The following DLGAP2 variants were observed in gnomAD, a reference collection of about 807,000 sequenced individuals.
The protein encoded by DLGAP2 is DLG associated protein 2, also known as disks large-associated protein 2.
Under a neutral mutation model 100.3 loss-of-function variants are expected in DLGAP2, and 26 were observed. That is an observed-to-expected ratio of 0.26 (90% CI 0.19 to 0.36). The LOEUF (loss-of-function observed/expected upper bound fraction) is 0.36, where lower values mean the gene tolerates loss of function less well. Ranked by LOEUF, DLGAP2 falls within the 10% of genes least tolerant of loss-of-function variation. DLGAP2 has a pLI of 1.00. For synonymous variants in DLGAP2, 886 were observed against 630.1 expected (o/e 1.41, Z -6.08); for missense variants, 1,858 against 1,453.2 (o/e 1.28, Z -4.53).
At chr8:1,287,761 G>A (rs1236733129) in intron 3 of DLGAP2, among the ~76,000 whole-genome samples, 1 of 44,430 alleles carries the variant, frequency 2.3e-5, no homozygotes, top group Non-Finnish European at 4.1e-5. Flanking sequence ...TTTTGGTTCA[G>A]CGTGTGTGTG....
intron 3 of DLGAP2, among the ~76,000 whole-genome samples, chr8:1,409,717 C>T (rs1438646655): frequency 6.6e-6 from 1 of 152,108 alleles, no homozygotes; most frequent in Admixed American, 6.5e-5. Context: ...GTGGGCCTCC[C>T]CCAGTCCATG....
chr8:1,299,028 A>T (rs1317996917), intron 3 of DLGAP2, among the ~76,000 whole-genome samples: 3 of 152,234 alleles, frequency 2.0e-5, no homozygotes, highest in Admixed American at 2.0e-4. Context: ...AAAGGCTGTT[A>T]CTGCCATCCG....
chr8:1,678,510 C>G lies in DLGAP2; in HGVS notation c.2585C>G (p.Ser862Cys). The G allele has an allele frequency of 6.2e-7, 1 of 1,610,096 alleles. No individual in the cohort carries two copies. Among genetic ancestry groups the G allele is most frequent in the Non-Finnish European group, 8.5e-7 (1 of 1,178,204 alleles). Residue 862 changes from serine (S) to cysteine (C), a missense_variant, in exon 12 of 15, where the codon TCT becomes TGT. By Grantham distance (112) the Ser-to-Cys change is moderately radical. Coordinates refer to ENST00000637795, the MANE Select transcript of DLGAP2 (RefSeq NM_001346810.2). ...AIDTVETGRM[S>C]PCRRDGSWFL... ...GACACGGTAGAGACTGGGAGGATGT[C>G]TCCGTGCCGCAGGGATGGCTCGTGG...
At chr8:816,613 T>C (rs991325696) in intron 1 of DLGAP2, among the ~76,000 whole-genome samples, 1 of 152,100 alleles carries the variant, frequency 6.6e-6, no homozygotes, top group Non-Finnish European at 1.5e-5. Flanking sequence ...GGTTTTCCTT[T>C]ATAGGTTAGC....
intron 8 of DLGAP2, among the ~76,000 whole-genome samples, chr8:1,647,580 A>G (rs1407120709): frequency 2.0e-5 from 3 of 148,108 alleles, no homozygotes; most frequent in Middle Eastern, 3.4e-3. Flanking sequence ...ATTTCCTTCC[A>G]TTATGAATGC....
intron 2 of DLGAP2, among the ~76,000 whole-genome samples, chr8:1,248,216 C>A (rs1210080675): frequency 1.5e-5 from 1 of 66,896 alleles, no homozygotes; most frequent in African/African-American, 4.4e-5. Context: ...GAGTGATGGT[C>A]CATGTCGGTG....
intron 1 of DLGAP2, among the ~76,000 whole-genome samples, chr8:821,133 C>G (rs1022893833): frequency 1.3e-5 from 2 of 152,174 alleles, no homozygotes; most frequent in South Asian, 2.1e-4. Flanking sequence ...AGCTAATTTT[C>G]TTACCTTATT....
Position 1,701,469 on chromosome 8 carries a change from G to A in DLGAP2, c.*63G>A, listed in dbSNP as rs1011548930. 27 of 1,488,766 alleles carry A rather than the reference G, an allele frequency of 1.8e-5. No individual in the cohort carries two copies. The highest frequency in any genetic ancestry group is 4.7e-4 in the Middle Eastern group (2 of 4,300). 92.2% of individuals were successfully genotyped at this position (1,488,766 alleles called of 1,614,324 possible). The stretch of plus-strand genomic sequence containing the variant: ...TTCCCGGACGCTTGTGCAGCGCGGC[G>A]CCGCCCTGGTGGTTTCTGTCTCCTC... On this transcript the variant is annotated 3_prime_UTR_variant, in exon 15 of 15. Transcript: ENST00000637795.
At chr8:1,050,231 T>G (rs987701471) in intron 2 of DLGAP2, among the ~76,000 whole-genome samples, 3 of 152,352 alleles carry the variant, frequency 2.0e-5, no homozygotes, top group Admixed American at 6.5e-5. Context: ...AGTCCCCGAT[T>G]TAACCATGGT....
At chr8:1,423,858 G>A (rs551293526) in intron 3 of DLGAP2, among the ~76,000 whole-genome samples, 118 of 152,278 alleles carry the variant, frequency 7.7e-4, no homozygotes, top group African/African-American at 2.7e-3. Context: ...ACACTTGCAC[G>A]TCTACAGCCA....
intron 1 of DLGAP2, among the ~76,000 whole-genome samples, chr8:761,144 G>A (rs556945854): frequency 6.6e-6 from 1 of 152,302 alleles, no homozygotes; most frequent in Non-Finnish European, 1.5e-5. Context: ...AGGCCTGGGT[G>A]TCTCAATCCT....
intron 12 of DLGAP2, among the ~76,000 whole-genome samples, chr8:1,683,990 T>TATATATATATA: frequency 1.2e-5 from 1 of 81,778 alleles, no homozygotes; most frequent in East Asian, 4.3e-4. Context: ...ATATATATAC[T>TATATATATATA]TTTTTTTTTA....
At chr8:1,173,219 G>C (rs1365406615) in intron 2 of DLGAP2, among the ~76,000 whole-genome samples, 2 of 152,186 alleles carry the variant, frequency 1.3e-5, no homozygotes, top group African/African-American at 4.8e-5. Flanking sequence ...CGCGAATGCT[G>C]CTGCCTGATC....
intron 6 of DLGAP2, among the ~76,000 whole-genome samples, chr8:1,618,771 C>T (rs1380067423): frequency 2.0e-5 from 3 of 152,122 alleles, no homozygotes; most frequent in Non-Finnish European, 4.4e-5. Context: ...CTCCGTGCAC[C>T]TTCAGCATTC....
intron 3 of DLGAP2, among the ~76,000 whole-genome samples, chr8:1,345,844 A>C (rs1017308924): frequency 6.6e-6 from 1 of 152,224 alleles, no homozygotes; most frequent in Non-Finnish European, 1.5e-5. Context: ...GAGCGTGCTT[A>C]GAGTGCACTG....
intron 2 of DLGAP2, among the ~76,000 whole-genome samples, chr8:1,175,668 G>T (rs1314605797): frequency 2.4e-4 from 36 of 152,168 alleles, no homozygotes; most frequent in Non-Finnish European, 7.3e-5. Context: ...GCCATGGCTT[G>T]GTTTTGTCAA....
intron 4 of DLGAP2, among the ~76,000 whole-genome samples, chr8:1,515,639 C>T (rs1370650134): frequency 1.3e-5 from 2 of 152,120 alleles, no homozygotes; most frequent in Non-Finnish European, 2.9e-5. Context: ...CACAAGCACA[C>T]ACACATGCAG....
At chr8:1,687,147 G>T (rs879664932) in intron 12 of DLGAP2, among the ~76,000 whole-genome samples, 2 of 152,032 alleles carry the variant, frequency 1.3e-5, no homozygotes, top group Non-Finnish European at 2.9e-5. Flanking sequence ...GGATCACAGG[G>T]GTTACAAATA....
chr8:1,141,040 G>C (rs1310620837), intron 2 of DLGAP2, among the ~76,000 whole-genome samples: 1 of 152,184 alleles, frequency 6.6e-6, no homozygotes, highest in Non-Finnish European at 1.5e-5. Flanking sequence ...TGGCAGGAAT[G>C]TGGTTTGGTT....
Sources: gnomAD v4.1 joint callset for allele counts (sites outside exome capture counted in the v4.1 genomes callset) on GRCh38, gnomAD v4.1.1 for gene constraint, MANE v1.5 for transcripts, NCBI Gene and HGNC (gene_info 2026-07-23, HGNC 2026-07-21) for gene names.